CSMD1: variants seen among roughly 807,000 people sequenced by gnomAD.
CSMD1 encodes CUB and sushi domain-containing protein 1.
A neutral mutation model predicts 417.5 loss-of-function variants in CSMD1; 213 were observed. The observed-to-expected ratio is 0.51, with a 90% confidence interval of 0.46 to 0.57. The LOEUF is 0.57. Among genes scored for constraint, CSMD1 ranks in the 20% least tolerant of loss-of-function variants. The probability of loss-of-function intolerance (pLI) is 0.00; values close to 1 mark genes in which losing one functional copy is unlikely to be tolerated. For synonymous variants in CSMD1, 2,862 were observed against 1,736.8 expected (o/e 1.65, Z -16.11); for missense variants, 6,923 against 4,529.7 (o/e 1.53, Z -15.17).
intron 5 of CSMD1, among the ~76,000 whole-genome samples, chr8:3,938,079 G>T (rs1426621639): frequency 6.6e-6 from 1 of 152,064 alleles, no homozygotes. Flanking sequence ...GATTACACAG[G>T]ATCGTGTAGT....
chr8:3,135,674 C>G (rs941985790), intron 41 of CSMD1, among the ~76,000 whole-genome samples: 3 of 151,114 alleles, frequency 2.0e-5, no homozygotes, highest in African/African-American at 7.4e-5. Context: ...GGCTTCTTCC[C>G]CTTTAAAACA....
chr8:4,579,622 A>G (rs1025738719), intron 2 of CSMD1, among the ~76,000 whole-genome samples: 1 of 152,064 alleles, frequency 6.6e-6, no homozygotes, highest in African/African-American at 2.4e-5. Context: ...TTGGCCTCCC[A>G]AAGTTCTGAT....
chr8:3,618,132 G>A (rs184499259), intron 7 of CSMD1, among the ~76,000 whole-genome samples: 7 of 152,028 alleles, frequency 4.6e-5, no homozygotes, highest in Admixed American at 3.9e-4. Flanking sequence ...CTCCCTAATA[G>A]CTGGTAACAC....
intron 3 of CSMD1, among the ~76,000 whole-genome samples, chr8:4,350,598 A>G (rs957541071): frequency 6.6e-6 from 1 of 152,172 alleles, no homozygotes; most frequent in Non-Finnish European, 1.5e-5. Flanking sequence ...ACAATGAGAA[A>G]AAGCAGAACA....
chr8:4,014,418 C>T (rs1006665595), intron 4 of CSMD1, among the ~76,000 whole-genome samples: 1 of 152,148 alleles, frequency 6.6e-6, no homozygotes, highest in South Asian at 2.1e-4. Context: ...CTAATCTTCT[C>T]CAGGAGAATA....
chr8:3,410,071 C>A (rs1812588306), intron 12 of CSMD1, among the ~76,000 whole-genome samples: 1 of 152,142 alleles, frequency 6.6e-6, no homozygotes, highest in South Asian at 2.1e-4. Context: ...TGTTAACACT[C>A]ACTTATGAAG....
chr8:4,244,227 A>G (rs1031075042), intron 3 of CSMD1, among the ~76,000 whole-genome samples: 1 of 152,176 alleles, frequency 6.6e-6, no homozygotes, highest in African/African-American at 2.4e-5. Context: ...CAACAGTAAC[A>G]GCTAGGCTTG....
At chr8:4,117,335 C>A (rs5016259) in intron 3 of CSMD1, among the ~76,000 whole-genome samples, 150,060 of 151,698 alleles carry the variant, frequency 0.99, 74,248 homozygotes, top group East Asian at 1. Context: ...TCTGCCTGTA[C>A]CAACACTGTC....
At position 3,315,472 on chromosome 8, in the gene CSMD1, CTA is replaced by C. The variant is rs1175184374; in HGVS notation, c.3632-6971_3632-6970del. ...TGTGTGTGTGTGTGTGATTTTTAAACTATCTTTTAAATTATTTATGGTTTTTT... is the reference window on the plus strand; with the variant it reads ...TGTGTGTGTGTGTGTGATTTTTAAACTCTTTTAAATTATTTATGGTTTTTT... On this transcript the variant is annotated intron_variant, in intron 23 of 69. Transcript: ENST00000635120. 6.1e-5 allele frequency among the ~76,000 whole-genome samples: 5 copies of C among 82,428 alleles called. No individual in the cohort carries two copies. The East Asian group carries it at 1.1e-3, about 18-fold the overall frequency. The allele number at this position is 82,428 out of a possible 152,430, so 54.1% of individuals were successfully genotyped here. A position where few individuals can be genotyped will look rare whatever the true frequency, so the allele number is the denominator to read the frequency against.
chr8:3,628,140 T>A (rs758777186), intron 7 of CSMD1, among the ~76,000 whole-genome samples: 6 of 152,216 alleles, frequency 3.9e-5, no homozygotes, highest in African/African-American at 9.6e-5. Context: ...GTCTTCACCT[T>A]TGTTGACGTG....
At chr8:4,729,160 A>G (rs1809684715) in intron 1 of CSMD1, among the ~76,000 whole-genome samples, 1 of 152,224 alleles carries the variant, frequency 6.6e-6, no homozygotes, top group Non-Finnish European at 1.5e-5. Flanking sequence ...CAGGCTAATG[A>G]GACGGGAGAA....
At chr8:4,742,783 A>T (rs1563268668) in intron 1 of CSMD1, among the ~76,000 whole-genome samples, 1 of 152,206 alleles carries the variant, frequency 6.6e-6, no homozygotes, top group Admixed American at 6.5e-5. Context: ...CAGAAATGCT[A>T]AAAGCCCAAT....
chr8:4,905,165 G>A (rs1205070129), intron 1 of CSMD1, among the ~76,000 whole-genome samples: 2 of 151,770 alleles, frequency 1.3e-5, no homozygotes, highest in Non-Finnish European at 2.9e-5. Flanking sequence ...AGTACTATTC[G>A]AACACATCTC....
chr8:4,144,383 CTTAAT>C (rs1803983441), intron 3 of CSMD1, among the ~76,000 whole-genome samples: 1 of 151,104 alleles, frequency 6.6e-6, no homozygotes, highest in Non-Finnish European at 1.5e-5. Context: ...GTTTTTAGAA[CTTAAT>C]TTATCTTTTC....
intron 3 of CSMD1, among the ~76,000 whole-genome samples, chr8:4,307,977 C>T (rs1006633991): frequency 6.6e-6 from 1 of 152,090 alleles, no homozygotes. Flanking sequence ...GAAGAAATTA[C>T]AGAGGCTCAA....
At chr8:4,494,304 T>C (rs967954450) in intron 2 of CSMD1, among the ~76,000 whole-genome samples, 1 of 152,186 alleles carries the variant, frequency 6.6e-6, no homozygotes, top group African/African-American at 2.4e-5. Context: ...ACAAAACATG[T>C]AGGTTAGTAG....
chr8:4,901,345 A>G (rs1016833205), intron 1 of CSMD1, among the ~76,000 whole-genome samples: 6 of 152,198 alleles, frequency 3.9e-5, no homozygotes, highest in Admixed American at 3.3e-4. Flanking sequence ...GTATAATGGT[A>G]TTAGAAGTGT....
At chr8:3,070,328 C>G (rs555749147) in intron 49 of CSMD1, among the ~76,000 whole-genome samples, 1 of 152,364 alleles carries the variant, frequency 6.6e-6, no homozygotes, top group African/African-American at 2.4e-5. Flanking sequence ...TCCTCTGCCA[C>G]ACGGCCAGCC....
intron 3 of CSMD1, among the ~76,000 whole-genome samples, chr8:4,177,941 G>A (rs888731780): frequency 6.6e-6 from 1 of 152,146 alleles, no homozygotes; most frequent in Middle Eastern, 3.4e-3. Context: ...ACAATCAATA[G>A]CTTATCAACC....
Sources: gnomAD v4.1 joint callset for allele counts (sites outside exome capture counted in the v4.1 genomes callset) on GRCh38, gnomAD v4.1.1 for gene constraint, MANE v1.5 for transcripts, NCBI Gene and HGNC (gene_info 2026-07-23, HGNC 2026-07-21) for gene names.